SLIT2: variants seen among roughly 807,000 people sequenced by gnomAD.
SLIT2 encodes the protein slit guidance ligand 2.
In SLIT2, 41 loss-of-function variants were observed where a neutral mutation model predicts 185.7. The ratio of observed to expected loss-of-function variants is 0.22; its 90% confidence interval spans 0.17 to 0.29. The LOEUF (loss-of-function observed/expected upper bound fraction) is 0.29, where lower values mean the gene tolerates loss of function less well. Ranked by LOEUF, SLIT2 falls within the 10% of genes least tolerant of loss-of-function variation. The pLI, the probability that SLIT2 is intolerant of heterozygous loss-of-function variation, is 1.00. For synonymous variants in SLIT2, 693 were observed against 680.2 expected, an observed-to-expected ratio of 1.02 and a Z score of -0.29; for missense variants, 1,571 against 1,909.0, an observed-to-expected ratio of 0.82 and a Z score of 3.30.
intron 4 of SLIT2, chr4:20,393,385 G>T (rs1725597460): frequency 6.6e-6 from 1 of 152,100 alleles, no homozygotes; most frequent in Admixed American, 6.6e-5. Context: ...TGGAGCCAGT[G>T]GGAAGCATTC....
intron 12 of SLIT2, among the ~76,000 whole-genome samples, chr4:20,522,953 G>C (rs989332822): frequency 1.3e-5 from 2 of 151,550 alleles, no homozygotes; most frequent in Non-Finnish European, 2.9e-5. Context: ...TTGTGTAGCA[G>C]AAAAAAAATG....
intron 4 of SLIT2, among the ~76,000 whole-genome samples, chr4:20,382,215 C>G (rs1032310254): frequency 6.6e-6 from 1 of 152,078 alleles, no homozygotes; most frequent in African/African-American, 2.4e-5. Context: ...CTTCTGCAAA[C>G]TGACAAAGGG....
chr4:20,310,420 G>A (rs1718000233), intron 4 of SLIT2, among the ~76,000 whole-genome samples: 1 of 152,046 alleles, frequency 6.6e-6, no homozygotes. Flanking sequence ...GCAGTTCATA[G>A]CACCATCATA....
At chr4:20,595,024 A>G (rs112371356) in intron 30 of SLIT2, among the ~76,000 whole-genome samples, 31 of 152,266 alleles carry the variant, frequency 2.0e-4, no homozygotes, top group African/African-American at 6.7e-4. Context: ...CTCACCATCA[A>G]TGCAGCCAAG....
chr4:20,616,828 TC>T (rs1350850694), intron 34 of SLIT2, 81 bp from the exon 35 acceptor site: 2 of 1,457,262 alleles, frequency 1.4e-6, no homozygotes, highest in Non-Finnish European at 1.9e-6. Context: ...GGCAGTGAGG[TC>T]CCAAGCATCA....
chr4:20,564,179 A>G (rs1724911760), intron 26 of SLIT2, among the ~76,000 whole-genome samples: 1 of 151,846 alleles, frequency 6.6e-6, no homozygotes, highest in Non-Finnish European at 1.5e-5. Flanking sequence ...AGAAGATTTC[A>G]GGAGAGGTGC....
chr4:20,541,218 G>A (rs1022939569), intron 19 of SLIT2, among the ~76,000 whole-genome samples: 1 of 152,002 alleles, frequency 6.6e-6, no homozygotes, highest in Non-Finnish European at 1.5e-5. Context: ...ATCATGTGAA[G>A]AATTACCTTA....
chr4:20,257,343 G>A (rs1048652730), intron 2 of SLIT2, among the ~76,000 whole-genome samples: 1 of 152,034 alleles, frequency 6.6e-6, no homozygotes, highest in African/African-American at 2.4e-5. Flanking sequence ...TCAATGTAAT[G>A]TTAAATTGTT....
intron 4 of SLIT2, among the ~76,000 whole-genome samples, chr4:20,317,484 A>T (rs1718704627): frequency 6.6e-6 from 1 of 152,092 alleles, no homozygotes; most frequent in Non-Finnish European, 1.5e-5. Flanking sequence ...GCACTGTGAG[A>T]ATCAGAGGTG....
intron 4 of SLIT2, among the ~76,000 whole-genome samples, chr4:20,436,735 A>G (rs978974375): frequency 6.6e-6 from 1 of 152,228 alleles, no homozygotes; most frequent in African/African-American, 2.4e-5. Flanking sequence ...AGGTACAACC[A>G]TGAAGCGGAG....
At chr4:20,445,339 A>G (rs1711644165) in intron 4 of SLIT2, among the ~76,000 whole-genome samples, 1 of 152,158 alleles carries the variant, frequency 6.6e-6, no homozygotes, top group African/African-American at 2.4e-5. Context: ...ATGAATTTGG[A>G]TCCATTTAAA....
At position 20,579,504 on chromosome 4, in the gene SLIT2, T is replaced by C. The variant is rs73252496; in HGVS notation, c.3089-10140T>C. Among the ~76,000 whole-genome samples the C allele has an allele frequency of 7.3e-3, 1,117 of 152,258 alleles. 13 individuals are homozygous for C. The highest frequency in any genetic ancestry group is 0.025 in the South Asian group (119 of 4,826). On this transcript the variant is annotated intron_variant, in intron 29 of 36. Transcript: ENST00000504154. Reference sequence around the variant, plus strand: ...CGGGATGCTACACATATGTCAGTCATTAAGGAAACTTAACGGACAGTAGGA... The same window carrying C: ...CGGGATGCTACACATATGTCAGTCACTAAGGAAACTTAACGGACAGTAGGA...
intron 4 of SLIT2, among the ~76,000 whole-genome samples, chr4:20,377,237 G>T (rs1724096866): frequency 6.6e-6 from 1 of 151,950 alleles, no homozygotes; most frequent in African/African-American, 2.4e-5. Context: ...ATAGAAAAAT[G>T]TTATCAAAAT....
At chr4:20,311,587 A>G (rs569280325) in intron 4 of SLIT2, among the ~76,000 whole-genome samples, 1 of 152,146 alleles carries the variant, frequency 6.6e-6, no homozygotes, top group African/African-American at 2.4e-5. Context: ...AGTGAATAGT[A>G]CTACTTTGGT....
intron 4 of SLIT2, among the ~76,000 whole-genome samples, chr4:20,400,658 T>C (rs749845992): frequency 2.1e-4 from 32 of 151,466 alleles, no homozygotes; most frequent in Non-Finnish European, 7.4e-5. Context: ...GATTGAGTTA[T>C]GGAGAAGGAA....
intron 4 of SLIT2, among the ~76,000 whole-genome samples, chr4:20,439,428 C>T (rs938154799): frequency 6.6e-6 from 1 of 152,128 alleles, no homozygotes; most frequent in African/African-American, 2.4e-5. Flanking sequence ...TGGTGGTTTG[C>T]CAGCAATCTG....
chr4:20,384,852 T>C (rs935085298), intron 4 of SLIT2, among the ~76,000 whole-genome samples: 3 of 152,172 alleles, frequency 2.0e-5, no homozygotes, highest in Admixed American at 6.6e-5. Context: ...AGTTAAAATA[T>C]GTAAGCTGAA....
intron 4 of SLIT2, among the ~76,000 whole-genome samples, chr4:20,417,436 G>GTGTATATATATATATATATATA (rs1553898364): frequency 0.022 from 2,663 of 123,344 alleles, 110 homozygotes; most frequent in Non-Finnish European, 0.035. Context: ...ATGTGTGTGT[G>GTGTATATATATATATATATATA]TATATATATA....
chr4:20,487,522 C>T (rs978796832), intron 7 of SLIT2, among the ~76,000 whole-genome samples: 1 of 152,030 alleles, frequency 6.6e-6, no homozygotes, highest in Admixed American at 6.6e-5. Flanking sequence ...TCCATTTTTA[C>T]ATTCTTTTCT....
Sources: allele counts gnomAD v4.1 joint callset (sites outside exome capture counted in the v4.1 genomes callset), GRCh38; gene constraint gnomAD v4.1.1; transcripts MANE v1.5; gene names NCBI Gene and HGNC (gene_info 2026-07-23, HGNC 2026-07-21).